EWSR1: variants seen among roughly 807,000 people sequenced by gnomAD.
EWSR1 encodes the protein EWS RNA binding protein 1, also known as RNA-binding protein EWS.
In EWSR1, 14 loss-of-function variants were observed where a neutral mutation model predicts 92.1. That is an observed-to-expected ratio of 0.15 (90% CI 0.10 to 0.24). EWSR1 has a LOEUF of 0.24. EWSR1 is among the 10% of genes least tolerant of loss of function. The probability of loss-of-function intolerance (pLI) is 1.00; values close to 1 mark genes in which losing one functional copy is unlikely to be tolerated. For synonymous variants in EWSR1, 303 were observed against 292.9 expected, an observed-to-expected ratio of 1.03 and a Z score of -0.35; for missense variants, 637 against 870.9, an observed-to-expected ratio of 0.73 and a Z score of 3.38.
intron 8 of EWSR1, chr22:29,289,950 C>G (rs145043824): frequency 4.3e-6 from 1 of 231,412 alleles, no homozygotes; most frequent in East Asian, 6.2e-5. Context: ...GGTTTCACTT[C>G]TTTTTGGATG....
intron 1 of EWSR1, among the ~76,000 whole-genome samples, chr22:29,270,574 C>G (rs541004681): frequency 6.6e-6 from 1 of 152,300 alleles, no homozygotes; most frequent in Non-Finnish European, 1.5e-5. Context: ...AGGGCCGAAT[C>G]CTGTGGTTTC....
At chr22:29,288,176 C>T (rs1372377561) in intron 7 of EWSR1, among the ~76,000 whole-genome samples, 3 of 152,134 alleles carry the variant, frequency 2.0e-5, no homozygotes, top group East Asian at 1.9e-4. Flanking sequence ...ATTCTATCCA[C>T]GGGGATTTCT....
Position 29,273,817 on chromosome 22 carries a change from C to T in EWSR1, c.179C>T (p.Thr60Ile). Residue 60 changes from threonine to isoleucine, a missense_variant, in exon 4 of 17, where the codon ACC becomes ATC. Thr to Ile is a moderately conservative substitution (Grantham distance 89). This residue lies in a region of EWSR1 where 144 missense variants were observed against 189.0 expected (regional missense o/e 0.76). Coordinates refer to ENST00000397938, the MANE Select transcript of EWSR1 (RefSeq NM_005243.4). Reference sequence around the variant, plus strand: ...TATACCCAGGCTCAGACCACTGCAACCTATGGGCAGACCGCCTATGCAACT... The same window carrying T: ...TATACCCAGGCTCAGACCACTGCAATCTATGGGCAGACCGCCTATGCAACT... ...VSYTQAQTTA[T>I]YGQTAYATSY... 1.2e-6 allele frequency: 2 copies of T among 1,613,998 alleles called. No homozygotes were observed. The highest frequency in any genetic ancestry group is 2.2e-5 in the South Asian group (2 of 91,072).
intron 5 of EWSR1, among the ~76,000 whole-genome samples, chr22:29,279,482 G>T (rs2059394077): frequency 6.6e-6 from 1 of 152,222 alleles, no homozygotes; most frequent in Admixed American, 6.5e-5. Flanking sequence ...GCTATAGGAT[G>T]AGCAGAGCTC....
chr22:29,294,105 C>A (rs550915650), intron 11 of EWSR1, among the ~76,000 whole-genome samples: 3 of 151,594 alleles, frequency 2.0e-5, no homozygotes, highest in African/African-American at 7.3e-5. Flanking sequence ...CTCACGTGAT[C>A]CACCCACCTA....
intron 5 of EWSR1, among the ~76,000 whole-genome samples, chr22:29,279,096 G>A (rs1334356625): frequency 6.6e-6 from 1 of 152,126 alleles, no homozygotes; most frequent in Non-Finnish European, 1.5e-5. Context: ...GTAGGAGAAG[G>A]CTATTGTTTT....
chr22:29,276,980 G>A (rs2059170484), intron 4 of EWSR1: 1 of 229,626 alleles, frequency 4.4e-6, no homozygotes, highest in Non-Finnish European at 8.6e-6. Flanking sequence ...GAAGAGTCCA[G>A]CACCAGGAAT....
Position 29,298,764 on chromosome 22 carries a change from C to G in EWSR1, c.1449C>G (p.Pro483=), listed in dbSNP as rs746205642. ...GAGGCCCAGGAGGTCCTGGGGGACC[C>G]ATGGGTCGCATGGGAGGCCGTGGAG... is the stretch of plus-strand genomic sequence containing the variant. ...GPGGPGGPGG[P]MGRMGGRGGD... The change falls in exon 14 of 17, where the codon CCC becomes CCG. Residue 483 remains proline (P), a synonymous_variant. Coordinates refer to ENST00000397938, the MANE Select transcript of EWSR1 (RefSeq NM_005243.4). 6.2e-7 allele frequency: 1 copy of G among 1,613,590 alleles called. No homozygotes were observed. Among genetic ancestry groups the G allele is most frequent in the Non-Finnish European group, 8.5e-7 (1 of 1,179,928 alleles).
At chr22:29,286,131 A>C (rs1426619189) in intron 6 of EWSR1, among the ~76,000 whole-genome samples, 2 of 147,420 alleles carry the variant, frequency 1.4e-5, no homozygotes, top group Admixed American at 6.8e-5. Context: ...GAGCCACCGC[A>C]CCCGGCCTGA....
intron 16 of EWSR1, 119 bp from the exon 17 acceptor site, chr22:29,300,002 GC>G: frequency 3.4e-6 from 3 of 871,534 alleles, no homozygotes; most frequent in Non-Finnish European, 3.0e-6. Context: ...CTCTGGAAGG[GC>G]TTCCTCACCC....
In EWSR1 at chr22:29,292,513, CTCT is replaced by C. The variant is rs1388460703; in HGVS notation, c.1072_1074del (p.Ser358del). 23 of 1,613,342 alleles carry C rather than the reference CTCT, an allele frequency of 1.4e-5. No individual in the cohort carries two copies. Among genetic ancestry groups the C allele is most frequent in the Non-Finnish European group, 1.9e-5 (22 of 1,179,616 alleles). On this transcript the variant is annotated inframe_deletion, in exon 11 of 17. Transcript: ENST00000397938. ...GCCCACCTGTAGATCCAGATGAAGA[CTCT>C]GACAACAGTGCAATTTATGTACAAG...
rs902173160 is a variant in EWSR1 at position 29,272,138 on chromosome 22, G to A, written c.14-78G>A. ...CAGTTTAAAGAATTCTTCCTGCCACGTGAATTCTTTCCCCCTTTTTTCTCT... is the reference window on the plus strand; with the variant it reads ...CAGTTTAAAGAATTCTTCCTGCCACATGAATTCTTTCCCCCTTTTTTCTCT... On this transcript the variant is annotated intron_variant, in intron 1 of 16. Coordinates refer to ENST00000397938, the MANE Select transcript of EWSR1 (RefSeq NM_005243.4). The A allele has an allele frequency of 3.8e-6, 5 of 1,320,594 alleles. No homozygotes were observed. In the Admixed American group the frequency reaches 5.1e-5, roughly 14 times the overall value. The allele number at this position is 1,320,594 out of a possible 1,614,324, so 81.8% of individuals were successfully genotyped here. A position where few individuals can be genotyped will look rare whatever the true frequency, so the allele number is the denominator to read the frequency against.
intron 5 of EWSR1, among the ~76,000 whole-genome samples, chr22:29,280,862 GTTTT>G (rs71196650): frequency 0.01 from 645 of 62,866 alleles, 60 homozygotes; most frequent in African/African-American, 0.026. Context: ...TGTGTGTGTT[GTTTT>G]TTTTTTTTTT....
At chr22:29,277,336 A>G (rs1338804531) in intron 4 of EWSR1, 2 of 225,876 alleles carry the variant, frequency 8.9e-6, no homozygotes, top group Non-Finnish European at 1.8e-5. Context: ...ATGTGAAAAC[A>G]TTACCTTTTA....
intron 4 of EWSR1, chr22:29,275,492 C>T: frequency 4.6e-6 from 1 of 217,810 alleles, no homozygotes; most frequent in Non-Finnish European, 9.2e-6. Flanking sequence ...GTATAAAATT[C>T]ACAGTTTATA....
intron 11 of EWSR1, among the ~76,000 whole-genome samples, chr22:29,294,250 A>G (rs187999180): frequency 8.5e-5 from 13 of 152,222 alleles, no homozygotes; most frequent in African/African-American, 2.9e-4. Context: ...TTTATTTTCA[A>G]GTTGCTGTGG....
rs1434071015 is a variant in EWSR1 at position 29,299,102 on chromosome 22, A to AG, written c.1581-130dup. On this transcript the variant is annotated intron_variant, in intron 14 of 16. Transcript: ENST00000397938. ...TGTCCTGTGGGTGCAATGCTGCCTG[A>AG]GGCTGTGCCCTAAAGCATGGGTGTA... 1.9e-6 allele frequency: 3 copies of AG among 1,545,222 alleles called. No homozygotes were observed. In the African/African-American group the frequency reaches 4.1e-5, roughly 21 times the overall value.
intron 4 of EWSR1, chr22:29,275,935 G>GT (rs71322634): frequency 0.42 from 87,957 of 211,456 alleles, 15,046 homozygotes; most frequent in Admixed American, 0.5. Flanking sequence ...TTGTTTTTTT[G>GT]TTTTTTTTTT....
chr22:29,300,485 T>TTTTTTTTTTAAATAAAATTCC lies in EWSR1; in HGVS notation c.*325_*345dup, dbSNP rs1403401935. On this transcript the variant is annotated 3_prime_UTR_variant, in exon 17 of 17. Transcript: ENST00000397938. The stretch of plus-strand genomic sequence containing the variant: ...AATGTTCATGGTTGTGATGTTTTTT[T>TTTTTTTTTTAAATAAAATTCC]TTTTTTTTTAAATAAAATTCCAAAT... The TTTTTTTTTTAAATAAAATTCC allele has an allele frequency of 4.0e-6, 1 of 251,558 alleles. No homozygotes were observed. The highest frequency in any genetic ancestry group is 2.2e-5 in the African/African-American group (1 of 45,124). 15.6% of individuals were successfully genotyped at this position (251,558 alleles called of 1,614,324 possible).
Sources: gnomAD v4.1 joint callset for allele counts (sites outside exome capture counted in the v4.1 genomes callset) on GRCh38, gnomAD v4.1.1 for gene constraint, gnomAD v4.1.1 regional missense constraint, MANE v1.5 for transcripts, NCBI Gene and HGNC (gene_info 2026-07-23, HGNC 2026-07-21) for gene names.